Variants in KLHDC4 observed in about 807,000 individuals in gnomAD.
KLHDC4 encodes the protein kelch domain-containing protein 4.
Under a neutral mutation model 62.4 loss-of-function variants are expected in KLHDC4, and 90 were observed. The observed-to-expected ratio is 1.44, with a 90% CI of 1.22 to 1.72. KLHDC4 has a LOEUF of 1.72. Ranked by LOEUF, KLHDC4 falls within the 40% of genes most tolerant of loss-of-function variation. The pLI is 0.00. For synonymous variants in KLHDC4, 386 were observed against 284.4 expected (o/e 1.36, Z -3.59); for missense variants, 1,025 against 699.7 (o/e 1.47, Z -5.25).
In KLHDC4 at chr16:87,748,788, C is replaced by T; in HGVS notation, c.391G>A (p.Gly131Ser). The part of the protein sequence containing the change: ...AHQAVVVPQG[G>S]GQLWVFGGEF... Reference sequence around the variant, plus strand: ...CCTCCAAAGACCCACAGCTGTCCGCCACCTTGAGGCACTACCACCGCCTGT... The same window carrying T: ...CCTCCAAAGACCCACAGCTGTCCGCTACCTTGAGGCACTACCACCGCCTGT... The change falls in exon 5 of 12, where the codon GGC (glycine) becomes AGC (serine). Residue 131 changes from glycine (G) to serine (S), a missense_variant. By Grantham distance (56) the Gly-to-Ser change is moderately conservative. Transcript: ENST00000270583. 6.2e-7 allele frequency: 1 copy of T among 1,612,740 alleles called. No individual in the cohort carries two copies. The highest frequency in any genetic ancestry group is 8.5e-7 in the Non-Finnish European group (1 of 1,179,722).
intron 5 of KLHDC4, among the ~76,000 whole-genome samples, chr16:87,737,028 G>A (rs1415747456): frequency 8.3e-5 from 12 of 145,370 alleles, no homozygotes. Flanking sequence ...GGGAGGCTGA[G>A]GCAGGAGAAT....
chr16:87,716,960 T>C (rs1205704399), intron 7 of KLHDC4, among the ~76,000 whole-genome samples: 1 of 151,230 alleles, frequency 6.6e-6, no homozygotes, highest in African/African-American at 2.4e-5. Context: ...GAAACTAAGA[T>C]ACCAAGATTT....
At chr16:87,711,469 G>A (rs781108206) in intron 8 of KLHDC4, 26 bp from the exon 9 acceptor site, 3 of 1,585,704 alleles carry the variant, frequency 1.9e-6, no homozygotes, top group Admixed American at 1.7e-5. Flanking sequence ...AAGGAAGTGG[G>A]ATAAGAACAC....
intron 6 of KLHDC4, among the ~76,000 whole-genome samples, chr16:87,728,845 G>A (rs928332734): frequency 2.0e-5 from 3 of 152,102 alleles, no homozygotes; most frequent in African/African-American, 7.2e-5. Context: ...TGGGCATGCG[G>A]CTCACTTCAA....
At chr16:87,726,060 C>G (rs768729451) in intron 7 of KLHDC4, among the ~76,000 whole-genome samples, 55 of 152,146 alleles carry the variant, frequency 3.6e-4, no homozygotes, top group Non-Finnish European at 5.9e-4. Flanking sequence ...AACACTATCT[C>G]TATTTCTAAT....
intron 4 of KLHDC4, among the ~76,000 whole-genome samples, chr16:87,749,096 GAC>G (rs1052151066): frequency 3.3e-5 from 5 of 151,484 alleles, no homozygotes. Context: ...CATTAAAGTG[GAC>G]ACAGCTAGTT....
intron 7 of KLHDC4, among the ~76,000 whole-genome samples, chr16:87,716,800 C>T (rs1014482056): frequency 7.9e-5 from 12 of 152,140 alleles, no homozygotes; most frequent in Non-Finnish European, 1.3e-4. Context: ...GGCACAGTGG[C>T]AGGCGCCTGT....
exon 1 of KLHDC4, chr16:87,701,261 G>A (rs561433044): frequency 3.8e-4 from 87 of 231,620 alleles, no homozygotes; most frequent in African/African-American, 1.7e-3. Context: ...GGCTGCAGAC[G>A]GGAAGTCAAC....
intron 2 of KLHDC4, 119 bp downstream of exon 2, chr16:87,761,830 T>A: frequency 2.0e-6 from 2 of 979,490 alleles, no homozygotes; most frequent in Non-Finnish European, 3.2e-6. Flanking sequence ...AAGAACAGGT[T>A]TTAATAATGA....
At chr16:87,716,760 T>C (rs1172941468) in intron 7 of KLHDC4, among the ~76,000 whole-genome samples, 1 of 151,888 alleles carries the variant, frequency 6.6e-6, no homozygotes, top group African/African-American at 2.4e-5. Flanking sequence ...TGAAACCCCA[T>C]CTCTACGAAA....
intron 7 of KLHDC4, among the ~76,000 whole-genome samples, chr16:87,723,901 A>G (rs183251885): frequency 1.1e-4 from 16 of 152,292 alleles, no homozygotes; most frequent in Non-Finnish European, 1.6e-4. Context: ...TAGCAGCACA[A>G]TCTTGGCTCA....
At chr16:87,708,157 C>T (rs533148191) in intron 11 of KLHDC4, 82 bp from the exon 12 acceptor site, 222 of 632,170 alleles carry the variant, frequency 3.5e-4, no homozygotes, top group Non-Finnish European at 5.8e-4. Flanking sequence ...GAGAGAACAC[C>T]GGGTTTTCAG....
At chr16:87,701,726 C>G (rs1182506419) in exon 1 of KLHDC4, 1 of 456,804 alleles carries the variant, frequency 2.2e-6, no homozygotes, top group Admixed American at 2.3e-5. Flanking sequence ...CCCATGCCAC[C>G]TGCTCAGGCC....
chr16:87,710,113 C>CA (rs2035497066), intron 9 of KLHDC4: 1 of 166,144 alleles, frequency 6.0e-6, no homozygotes, highest in African/African-American at 2.4e-5. Context: ...GTCAGGCCCA[C>CA]AAGCCCAGCT....
intron 1 of KLHDC4, chr16:87,765,197 A>T (rs1238417912): frequency 6.6e-6 from 3 of 455,962 alleles, no homozygotes; most frequent in Non-Finnish European, 1.3e-5. Flanking sequence ...ATCCTCCTGC[A>T]GACCCCGGGC....
rs887508104 is a variant in KLHDC4 at position 87,716,931 on chromosome 16, C to CA, written c.760-2359dup. ...TGGGCGACAGAGCGAGACTCCGTCTCAAAAAAAAGAAAAGAAAAGAAACTA... is the reference window on the plus strand; with the variant it reads ...TGGGCGACAGAGCGAGACTCCGTCTCAAAAAAAAAGAAAAGAAAAGAAACTA... On this transcript the variant is annotated intron_variant, in intron 7 of 11. Transcript: ENST00000270583. Among the ~76,000 whole-genome samples, 50 of 146,918 alleles carry CA rather than the reference C, an allele frequency of 3.4e-4. No individual in the cohort carries two copies. The South Asian group carries it at 6.4e-3, about 19-fold the overall frequency.
At chr16:87,721,016 T>C (rs1483193629) in intron 7 of KLHDC4, among the ~76,000 whole-genome samples, 1 of 152,102 alleles carries the variant, frequency 6.6e-6, no homozygotes, top group Non-Finnish European at 1.5e-5. Flanking sequence ...CACCTTCCCA[T>C]CCACATCCGA....
chr16:87,750,897 T>C (rs1379596809), intron 4 of KLHDC4: 1 of 152,350 alleles, frequency 6.6e-6, no homozygotes, highest in East Asian at 1.9e-4. Context: ...AGGCCAGGTT[T>C]CCTATCATTC....
At chr16:87,700,502 TGGAGGGA>T (rs1024342161) in exon 1 of KLHDC4, 3 of 70,180 alleles carry the variant, frequency 4.3e-5, no homozygotes, top group African/African-American at 1.2e-4. Flanking sequence ...GGGCAGAGGG[TGGAGGGA>T]GGAGGGAGGA....
Sources: allele counts gnomAD v4.1 joint callset (sites outside exome capture counted in the v4.1 genomes callset), GRCh38; gene constraint gnomAD v4.1.1; transcripts MANE v1.5; gene names NCBI Gene and HGNC (gene_info 2026-07-23, HGNC 2026-07-21).